Variants in MAST4 observed in about 807,000 individuals in gnomAD.
MAST4 encodes microtubule associated serine/threonine kinase family member 4.
A neutral mutation model predicts 162.7 loss-of-function variants in MAST4; 89 were observed. That is an observed-to-expected ratio of 0.55 (90% CI 0.46 to 0.65). MAST4 has a LOEUF of 0.65. MAST4 is among the 30% of genes least tolerant of loss of function. The pLI is 0.00. For missense variants in MAST4, 3,153 were observed against 3,374.0 expected (o/e 0.93, Z 1.62); for synonymous variants, 1,479 against 1,361.1 (o/e 1.09, Z -1.91).
intron 1 of MAST4, among the ~76,000 whole-genome samples, chr5:66,687,681 C>T (rs190674288): frequency 5.5e-5 from 8 of 146,390 alleles, no homozygotes; most frequent in Non-Finnish European, 9.0e-5. Context: ...TCTATCTATA[C>T]GCACCACATT....
intron 3 of MAST4, chr5:66,828,659 G>A: frequency 1.4e-6 from 1 of 739,202 alleles, no homozygotes; most frequent in Non-Finnish European, 2.2e-6. Context: ...CGAACTGCAA[G>A]CATCCGTGAT....
Position 66,864,445 on chromosome 5 carries a change from C to T in MAST4, c.643-35506C>T, listed in dbSNP as rs192425513. Among the ~76,000 whole-genome samples, 282 of 152,128 alleles carry T rather than the reference C, an allele frequency of 1.9e-3. 1 individual carries two copies. The highest frequency in any genetic ancestry group is 3.1e-3 in the Non-Finnish European group (212 of 67,998). On this transcript the variant is annotated intron_variant, in intron 3 of 28. Transcript: ENST00000403625. The stretch of plus-strand genomic sequence containing the variant: ...GCGAGCCATAGGAATCCAGACAGGC[C>T]GCCAGGCTGGACCCAGAGAGTAGAG...
At chr5:67,039,406 C>A (rs1756443057) in intron 4 of MAST4, among the ~76,000 whole-genome samples, 1 of 152,116 alleles carries the variant, frequency 6.6e-6, no homozygotes, top group African/African-American at 2.4e-5. Flanking sequence ...CTTTCATAAG[C>A]AGGAATCCAG....
intron 1 of MAST4, among the ~76,000 whole-genome samples, chr5:66,678,131 T>G (rs748623344): frequency 6.6e-6 from 1 of 152,014 alleles, no homozygotes. Context: ...TGGAGGACAT[T>G]ATGTTAACTG....
chr5:66,620,976 C>T (rs1744038539), intron 1 of MAST4, among the ~76,000 whole-genome samples: 1 of 152,218 alleles, frequency 6.6e-6, no homozygotes, highest in South Asian at 2.1e-4. Context: ...GGAAATGACA[C>T]AGCAGTTAAG....
At chr5:66,965,159 T>G (rs1746542269) in intron 4 of MAST4, among the ~76,000 whole-genome samples, 1 of 151,806 alleles carries the variant, frequency 6.6e-6, no homozygotes, top group Non-Finnish European at 1.5e-5. Flanking sequence ...GTGTAATAGC[T>G]TTTATACAGC....
intron 4 of MAST4, among the ~76,000 whole-genome samples, chr5:67,050,582 A>T (rs917550993): frequency 2.0e-5 from 3 of 152,190 alleles, no homozygotes; most frequent in Non-Finnish European, 4.4e-5. Flanking sequence ...AGTTGCCCCT[A>T]GGAGGAGCTT....
intron 3 of MAST4, among the ~76,000 whole-genome samples, chr5:66,820,939 C>A (rs572431501): frequency 2.5e-4 from 38 of 152,154 alleles, no homozygotes; most frequent in African/African-American, 8.9e-4. Flanking sequence ...TTGTGAAAAG[C>A]CTTAAGCAAA....
Position 67,152,662 on chromosome 5 carries a change from A to C in MAST4, c.3321A>C (p.Gly1107=). 3 of 1,613,852 alleles carry C rather than the reference A, an allele frequency of 1.9e-6. No individual in the cohort carries two copies. Among genetic ancestry groups the C allele is most frequent in the Non-Finnish European group, 2.5e-6 (3 of 1,179,752 alleles). ...PGDMFAVSPL[G]SPMSPHSLSS... ...ATATGTTTGCTGTTTCCCCTCTGGG[A>C]AGTCCAATGTCTCCCCATTCCCTGT... Residue 1107 remains glycine (G), a synonymous_variant, in exon 25 of 29, where the codon GGA becomes GGC. Transcript: ENST00000403625.
chr5:67,050,873 T>C (rs1758089146), intron 4 of MAST4, among the ~76,000 whole-genome samples: 1 of 152,140 alleles, frequency 6.6e-6, no homozygotes, highest in Non-Finnish European at 1.5e-5. Flanking sequence ...TTGTGGGAAG[T>C]GGTTAGTCTC....
intron 6 of MAST4, among the ~76,000 whole-genome samples, chr5:67,092,279 T>C (rs996807894): frequency 6.6e-6 from 1 of 152,226 alleles, no homozygotes; most frequent in African/African-American, 2.4e-5. Flanking sequence ...TTTTCTGACC[T>C]TTCTTACCTT....
intron 23 of MAST4, 75 bp downstream of exon 23, chr5:67,145,454 G>T: frequency 1.6e-6 from 2 of 1,260,910 alleles, no homozygotes; most frequent in South Asian, 1.4e-5. Context: ...CCCAGGGCGG[G>T]CCTCGCCAGG....
intron 6 of MAST4, among the ~76,000 whole-genome samples, chr5:67,093,022 G>T (rs1764037117): frequency 6.6e-6 from 1 of 152,142 alleles, no homozygotes; most frequent in African/African-American, 2.4e-5. Flanking sequence ...AATATTTGGT[G>T]TATCACTCCA....
At chr5:66,684,972 G>T (rs531657401) in intron 1 of MAST4, among the ~76,000 whole-genome samples, 1 of 152,240 alleles carries the variant, frequency 6.6e-6, no homozygotes, top group Admixed American at 6.5e-5. Context: ...TTTATAAAAA[G>T]AATAGCTGGC....
intron 5 of MAST4, among the ~76,000 whole-genome samples, chr5:67,088,499 T>A (rs1405728512): frequency 1.3e-5 from 2 of 152,218 alleles, no homozygotes; most frequent in Non-Finnish European, 2.9e-5. Context: ...AACAAAATTT[T>A]TAGCCATCTT....
At chr5:67,068,480 C>G (rs962409256) in intron 5 of MAST4, among the ~76,000 whole-genome samples, 2 of 152,152 alleles carry the variant, frequency 1.3e-5, no homozygotes, top group Non-Finnish European at 2.9e-5. Flanking sequence ...CTCCCTATCA[C>G]GAGAATAGCA....
At chr5:67,087,150 A>T (rs1346261948) in intron 5 of MAST4, among the ~76,000 whole-genome samples, 1 of 152,128 alleles carries the variant, frequency 6.6e-6, no homozygotes, top group Non-Finnish European at 1.5e-5. Flanking sequence ...TGTTACCACC[A>T]CGACTCCATT....
At chr5:66,855,152 T>C (rs1320173603) in intron 3 of MAST4, among the ~76,000 whole-genome samples, 1 of 152,086 alleles carries the variant, frequency 6.6e-6, no homozygotes, top group Non-Finnish European at 1.5e-5. Flanking sequence ...AGATGTTGGA[T>C]TGTGGGGTGG....
intron 2 of MAST4, among the ~76,000 whole-genome samples, chr5:66,776,656 G>A (rs964948952): frequency 6.6e-6 from 1 of 152,112 alleles, no homozygotes. Flanking sequence ...TGATCCTTGG[G>A]AGAAATATAA....
Sources: gnomAD v4.1 joint callset for allele counts (sites outside exome capture counted in the v4.1 genomes callset) on GRCh38, gnomAD v4.1.1 for gene constraint, MANE v1.5 for transcripts, NCBI Gene and HGNC (gene_info 2026-07-23, HGNC 2026-07-21) for gene names.